The following KCNH8 variants were observed in gnomAD, a reference collection of about 807,000 sequenced individuals.
KCNH8 encodes potassium voltage-gated channel subfamily H member 8, also known as voltage-gated delayed rectifier potassium channel KCNH8.
Under a neutral mutation model 103.6 loss-of-function variants are expected in KCNH8, and 70 were observed. The ratio of observed to expected loss-of-function variants is 0.68; its 90% CI spans 0.56 to 0.82. The LOEUF (loss-of-function observed/expected upper bound fraction) is 0.82, where lower values mean the gene tolerates loss of function less well. Among genes scored for constraint, KCNH8 ranks in the 40% least tolerant of loss-of-function variants. The pLI, the probability that KCNH8 is intolerant of heterozygous loss-of-function variation, is 0.00. For synonymous variants in KCNH8, 498 were observed against 489.4 expected, an observed-to-expected ratio of 1.02 and a Z score of -0.23; for missense variants, 1,217 against 1,329.9, an observed-to-expected ratio of 0.92 and a Z score of 1.32.
At chr3:19,243,292 C>A (rs2064165076) in intron 1 of KCNH8, among the ~76,000 whole-genome samples, 1 of 152,166 alleles carries the variant, frequency 6.6e-6, no homozygotes, top group Non-Finnish European at 1.5e-5. Flanking sequence ...CTCTTGCAGA[C>A]TCCCAGAGAC....
intron 5 of KCNH8, among the ~76,000 whole-genome samples, chr3:19,387,061 G>C (rs1314652955): frequency 6.6e-6 from 1 of 152,076 alleles, no homozygotes; most frequent in Non-Finnish European, 1.5e-5. Flanking sequence ...ATCCTGGTTC[G>C]TGAACACCAC....
chr3:19,192,539 A>T (rs2063563050), intron 1 of KCNH8, among the ~76,000 whole-genome samples: 1 of 151,656 alleles, frequency 6.6e-6, no homozygotes, highest in South Asian at 2.1e-4. Context: ...TCTTCCAGGA[A>T]ATTCACAGTT....
chr3:19,216,173 A>G (rs927291256), intron 1 of KCNH8, among the ~76,000 whole-genome samples: 3 of 152,204 alleles, frequency 2.0e-5, no homozygotes, highest in East Asian at 3.9e-4. Context: ...TCACTCTCCC[A>G]TTAAATTTTA....
At chr3:19,252,702 A>G (rs1320495903) in intron 1 of KCNH8, among the ~76,000 whole-genome samples, 2 of 152,126 alleles carry the variant, frequency 1.3e-5, no homozygotes, top group Non-Finnish European at 2.9e-5. Flanking sequence ...TAGCACTCTT[A>G]ACAATAATTT....
rs149223804 is a variant in KCNH8 at position 19,215,832 on chromosome 3, G to A, written c.77-37822G>A. 2.4e-3 allele frequency among the ~76,000 whole-genome samples: 362 copies of A among 152,236 alleles called. 1 individual carries two copies. Among genetic ancestry groups the A allele is most frequent in the Non-Finnish European group, 4.2e-3 (286 of 68,008 alleles). On this transcript the variant is annotated intron_variant, in intron 1 of 15. Coordinates refer to ENST00000328405, the MANE Select transcript of KCNH8 (RefSeq NM_144633.3). ...TCAGAAAGGTGATTACACTCTCTTC[G>A]GCATAGCCATGTTTTCTTTGTGGCT...
At chr3:19,259,342 T>C (rs192825888) in intron 2 of KCNH8, among the ~76,000 whole-genome samples, 209 of 151,998 alleles carry the variant, frequency 1.4e-3, no homozygotes, top group Middle Eastern at 3.4e-3. Context: ...AAAACATTTG[T>C]TTTAAGCTTT....
chr3:19,463,710 T>C (rs904233972), intron 11 of KCNH8, among the ~76,000 whole-genome samples: 3 of 152,110 alleles, frequency 2.0e-5, no homozygotes, highest in Non-Finnish European at 4.4e-5. Context: ...TTTAAATATA[T>C]ATACAGCCTA....
intron 1 of KCNH8, among the ~76,000 whole-genome samples, chr3:19,227,860 T>C (rs534159727): frequency 6.6e-6 from 1 of 152,330 alleles, no homozygotes; most frequent in South Asian, 2.1e-4. Context: ...CTATACATGA[T>C]GCCTGTGAAA....
At chr3:19,289,993 G>C (rs1199140429) in intron 3 of KCNH8, among the ~76,000 whole-genome samples, 5 of 151,850 alleles carry the variant, frequency 3.3e-5, no homozygotes, top group Admixed American at 1.3e-4. Context: ...TAGGTATTTT[G>C]TTCTCTTTGA....
intron 7 of KCNH8, among the ~76,000 whole-genome samples, chr3:19,401,557 C>G (rs1356085403): frequency 6.6e-6 from 1 of 151,906 alleles, no homozygotes; most frequent in Non-Finnish European, 1.5e-5. Context: ...TGTCAATGCT[C>G]TATTCTATTT....
At chr3:19,193,992 T>A (rs2063577480) in intron 1 of KCNH8, among the ~76,000 whole-genome samples, 3 of 151,698 alleles carry the variant, frequency 2.0e-5, no homozygotes, top group Non-Finnish European at 4.4e-5. Context: ...TTTGATAAGG[T>A]GTAGAACCGA....
At chr3:19,413,368 GGAC>G in intron 7 of KCNH8, among the ~76,000 whole-genome samples, 2 of 151,868 alleles carry the variant, frequency 1.3e-5, no homozygotes, top group Non-Finnish European at 2.9e-5. Context: ...CAGCAACTGG[GGAC>G]TACTAGAGAA....
At chr3:19,223,673 T>C (rs1460630039) in intron 1 of KCNH8, among the ~76,000 whole-genome samples, 1 of 152,132 alleles carries the variant, frequency 6.6e-6, no homozygotes, top group Non-Finnish European at 1.5e-5. Context: ...ATCACACTGC[T>C]AGAGTGGACC....
At chr3:19,201,910 A>C (rs1370700707) in intron 1 of KCNH8, among the ~76,000 whole-genome samples, 1 of 152,172 alleles carries the variant, frequency 6.6e-6, no homozygotes, top group Admixed American at 6.6e-5. Flanking sequence ...ATTAGATGTT[A>C]ATTTCTACTG....
intron 1 of KCNH8, among the ~76,000 whole-genome samples, chr3:19,189,326 A>C (rs1386461825): frequency 6.6e-6 from 1 of 152,044 alleles, no homozygotes; most frequent in Non-Finnish European, 1.5e-5. Flanking sequence ...GTTTCATATG[A>C]AAATTAGTAT....
chr3:19,500,301 C>G (rs374300876), intron 11 of KCNH8, among the ~76,000 whole-genome samples: 2 of 152,090 alleles, frequency 1.3e-5, no homozygotes, highest in African/African-American at 4.8e-5. Context: ...CCTGAGTGAC[C>G]TACAAAGAGA....
chr3:19,174,269 C>A (rs1575413968), intron 1 of KCNH8, among the ~76,000 whole-genome samples: 1 of 152,060 alleles, frequency 6.6e-6, no homozygotes, highest in Admixed American at 6.6e-5. Flanking sequence ...CCTTAGAAAG[C>A]AACTGTATTA....
chr3:19,442,230 C>T (rs2067294527), intron 8 of KCNH8, among the ~76,000 whole-genome samples: 1 of 152,136 alleles, frequency 6.6e-6, no homozygotes, highest in Non-Finnish European at 1.5e-5. Flanking sequence ...TTTATAATTT[C>T]CATTCTCTGT....
intron 1 of KCNH8, among the ~76,000 whole-genome samples, chr3:19,176,877 C>G (rs2063404943): frequency 1.3e-5 from 2 of 152,238 alleles, no homozygotes; most frequent in Non-Finnish European, 2.9e-5. Flanking sequence ...TTGTGAGCCT[C>G]TGGTCACAAT....
Sources: allele counts gnomAD v4.1 joint callset (sites outside exome capture counted in the v4.1 genomes callset), GRCh38; gene constraint gnomAD v4.1.1; transcripts MANE v1.5; gene names NCBI Gene and HGNC (gene_info 2026-07-23, HGNC 2026-07-21).